The following ARHGAP22 variants were observed in gnomAD, a reference collection of about 807,000 sequenced individuals.
ARHGAP22 encodes the protein Rho GTPase activating protein 22, also known as rho GTPase-activating protein 22.
ARHGAP22 carries 48 observed loss-of-function variants against 59.1 expected under a neutral mutation model. The ratio of observed to expected loss-of-function variants is 0.81; its 90% CI spans 0.64 to 1.03. ARHGAP22 has a LOEUF of 1.03. ARHGAP22 is among the 50% of genes least tolerant of loss of function. The pLI is 0.00. For synonymous variants in ARHGAP22, 445 were observed against 416.4 expected (o/e 1.07, Z -0.84); for missense variants, 1,015 against 958.7 (o/e 1.06, Z -0.78).
intron 1 of ARHGAP22, among the ~76,000 whole-genome samples, chr10:48,585,043 T>C (rs1483055904): frequency 6.6e-6 from 1 of 150,700 alleles, no homozygotes; most frequent in East Asian, 1.9e-4. Flanking sequence ...TGAGGACACA[T>C]TATAGCTTGG....
chr10:48,561,212 T>C (rs1262792070), intron 2 of ARHGAP22, among the ~76,000 whole-genome samples: 1 of 152,180 alleles, frequency 6.6e-6, no homozygotes, highest in Non-Finnish European at 1.5e-5. Context: ...TGTCTCCATA[T>C]ATGGATAATT....
intron 1 of ARHGAP22, among the ~76,000 whole-genome samples, chr10:48,637,980 T>C (rs1218693109): frequency 6.6e-6 from 1 of 152,198 alleles, no homozygotes; most frequent in Non-Finnish European, 1.5e-5. Context: ...TTTTGGCCTA[T>C]ATTCTCATAA....
chr10:48,508,633 C>T (rs550146463), intron 3 of ARHGAP22, among the ~76,000 whole-genome samples: 1 of 152,356 alleles, frequency 6.6e-6, no homozygotes, highest in South Asian at 2.1e-4. Flanking sequence ...ACCCTTTGAA[C>T]AGATGGGCCC....
intron 3 of ARHGAP22, among the ~76,000 whole-genome samples, chr10:48,490,300 T>C (rs184101155): frequency 3.3e-4 from 50 of 152,256 alleles, no homozygotes; most frequent in African/African-American, 1.1e-3. Context: ...GCCTCAGCAC[T>C]ACTGACATGT....
chr10:48,555,003 T>C (rs945865332), intron 3 of ARHGAP22, among the ~76,000 whole-genome samples: 23 of 152,222 alleles, frequency 1.5e-4, no homozygotes, highest in African/African-American at 5.5e-4. Flanking sequence ...TTTAAAATAT[T>C]GTTTTGTAAC....
chr10:48,595,531 TA>T (rs1254014485), intron 1 of ARHGAP22, among the ~76,000 whole-genome samples: 2 of 152,112 alleles, frequency 1.3e-5, no homozygotes, highest in African/African-American at 2.4e-5. Context: ...TTTATTTGTT[TA>T]TTTTTTTTTG....
chr10:48,561,047 A>G (rs1161866473), intron 2 of ARHGAP22, among the ~76,000 whole-genome samples: 3 of 152,150 alleles, frequency 2.0e-5, no homozygotes, highest in African/African-American at 7.2e-5. Flanking sequence ...TCTGAAATAG[A>G]ATAATCAAGT....
chr10:48,438,538 G>C, the ARHGAP22 span: 1 of 152,282 alleles, frequency 6.6e-6, no homozygotes. Context: ...CTTCGTTACT[G>C]AAACTTTTGA....
chr10:48,537,115 A>G (rs938362519), intron 3 of ARHGAP22, among the ~76,000 whole-genome samples: 3 of 152,238 alleles, frequency 2.0e-5, no homozygotes, highest in African/African-American at 4.8e-5. Context: ...TTCACAGGAC[A>G]AAGAAGGTTA....
At chr10:48,575,816 T>G (rs577839079) in intron 2 of ARHGAP22, among the ~76,000 whole-genome samples, 78 of 152,310 alleles carry the variant, frequency 5.1e-4, no homozygotes, top group Non-Finnish European at 8.7e-4. Context: ...CCTCCCCTGC[T>G]TCTTCCAAGG....
At chr10:48,437,403 T>C in the ARHGAP22 span, 7 of 152,200 alleles carry the variant, frequency 4.6e-5, no homozygotes, top group East Asian at 1.3e-3. Flanking sequence ...AGGTAGTACT[T>C]GTATGAAACC....
In ARHGAP22 at chr10:48,583,159, G is replaced by A; in HGVS notation, c.35-7C>T. 6.2e-7 allele frequency: 1 copy of A among 1,613,002 alleles called. No individual in the cohort carries two copies. The highest frequency in any genetic ancestry group is 8.5e-7 in the Non-Finnish European group (1 of 1,179,542). ...ACTAGGCTTTTGGAGCGGGCTGAAA[G>A]CCAAGGACACACAGAGTGAGCATGA... On this transcript the variant is annotated splice_polypyrimidine_tract_variant and splice_region_variant and intron_variant, in intron 1 of 9. Coordinates refer to ENST00000249601, the MANE Select transcript of ARHGAP22 (RefSeq NM_021226.4).
chr10:48,538,183 G>A (rs2055558944), intron 3 of ARHGAP22, among the ~76,000 whole-genome samples: 1 of 152,154 alleles, frequency 6.6e-6, no homozygotes, highest in Non-Finnish European at 1.5e-5. Context: ...GTGACTTCCA[G>A]GTTCCCTAGA....
chr10:48,525,747 TG>T (rs2054268785), intron 3 of ARHGAP22, among the ~76,000 whole-genome samples: 1 of 152,182 alleles, frequency 6.6e-6, no homozygotes, highest in Admixed American at 6.5e-5. Flanking sequence ...CTCTGTACCA[TG>T]CTCTGTTCTA....
At chr10:48,550,508 C>T (rs543925903) in intron 3 of ARHGAP22, among the ~76,000 whole-genome samples, 10 of 152,324 alleles carry the variant, frequency 6.6e-5, no homozygotes, top group Admixed American at 3.3e-4. Flanking sequence ...TGGGCTGTGA[C>T]GGGATGATGG....
chr10:48,522,970 A>G (rs1307897635), intron 3 of ARHGAP22, among the ~76,000 whole-genome samples: 2 of 152,230 alleles, frequency 1.3e-5, no homozygotes, highest in African/African-American at 2.4e-5. Context: ...ATAGTTAAGT[A>G]TTATATATGT....
At chr10:48,654,019 C>T (rs2136230065), upstream of ARHGAP22, among the ~76,000 whole-genome samples, 1 of 152,282 alleles carries the variant, frequency 6.6e-6, no homozygotes, top group Non-Finnish European at 1.5e-5. Context: ...TCTGAATATC[C>T]ATTTTCTCTT....
At chr10:48,434,059 C>G in the ARHGAP22 span, among the ~76,000 whole-genome samples, 1 of 152,192 alleles carries the variant, frequency 6.6e-6, no homozygotes, top group African/African-American at 2.4e-5. Flanking sequence ...TTCCTGTCCC[C>G]TTCCTAAACC....
At chr10:48,467,455 C>CTT (rs760761588) in intron 4 of ARHGAP22, among the ~76,000 whole-genome samples, 3 of 142,376 alleles carry the variant, frequency 2.1e-5, no homozygotes, top group African/African-American at 7.7e-5. Context: ...GGGCAGAATT[C>CTT]TTTTTTTTTT....
Sources: gnomAD v4.1 joint callset for allele counts (sites outside exome capture counted in the v4.1 genomes callset) on GRCh38, gnomAD v4.1.1 for gene constraint, MANE v1.5 for transcripts, NCBI Gene and HGNC (gene_info 2026-07-23, HGNC 2026-07-21) for gene names.